Variants in PSTPIP1 observed in about 807,000 individuals in gnomAD.
The protein encoded by PSTPIP1 is proline-serine-threonine phosphatase interacting protein 1.
A neutral mutation model predicts 69.6 loss-of-function variants in PSTPIP1; 66 were observed. That is an observed-to-expected ratio of 0.95 (90% confidence interval 0.78 to 1.16). PSTPIP1 has a LOEUF of 1.16. Ranked by LOEUF, PSTPIP1 falls within the 50% of genes most tolerant of loss-of-function variation. The pLI is 0.00. For synonymous variants in PSTPIP1, 266 were observed against 222.7 expected (o/e 1.19, Z -1.73); for missense variants, 603 against 557.4 (o/e 1.08, Z -0.82).
At chr15:77,006,217 T>G (rs544124364) in intron 1 of PSTPIP1, among the ~76,000 whole-genome samples, 1 of 152,340 alleles carries the variant, frequency 6.6e-6, no homozygotes, top group East Asian at 1.9e-4. Context: ...CTCTAATAAT[T>G]AATGATGTTG....
intron 12 of PSTPIP1, among the ~76,000 whole-genome samples, chr15:77,033,821 G>GCA (rs67778947): frequency 3.4e-4 from 7 of 20,750 alleles, no homozygotes; most frequent in African/African-American, 3.9e-4. Flanking sequence ...CTTAGAGAGG[G>GCA]CACACACACA....
Position 77,035,614 on chromosome 15 carries a change from G to A in PSTPIP1, c.985+51G>A, listed in dbSNP as rs940236317. 11 of 1,535,170 alleles carry A rather than the reference G, an allele frequency of 7.2e-6. No individual in the cohort carries two copies. The African/African-American group carries it at 9.6e-5, about 13-fold the overall frequency. On this transcript the variant is annotated intron_variant, in intron 13 of 14. Coordinates refer to ENST00000558012, the MANE Select transcript of PSTPIP1 (RefSeq NM_003978.5). ...CAAACACACTGATCCTGGGGGGGAG[G>A]AGAGGTCTCCCACATGGCACAGATG...
intron 1 of PSTPIP1, among the ~76,000 whole-genome samples, chr15:77,000,124 A>T (rs1246459879): frequency 5.3e-5 from 8 of 152,144 alleles, no homozygotes; most frequent in African/African-American, 1.4e-4. Flanking sequence ...CCCCTGTGCC[A>T]CACTGGGAGG....
At position 77,005,523 on chromosome 15, in the gene PSTPIP1, A is replaced by C. The variant is rs531836633; in HGVS notation, c.36+9914A>C. Among the ~76,000 whole-genome samples the C allele has an allele frequency of 7.2e-5, 11 of 152,368 alleles. No individual in the cohort carries two copies. The South Asian group carries it at 2.3e-3, about 32-fold the overall frequency. On this transcript the variant is annotated intron_variant, in intron 1 of 14. Transcript: ENST00000558012. ...GGGGGTGGTGGTAATTATATGTAACATAAAATTGACCATTTTAACAATTTT... is the reference window on the plus strand; with the variant it reads ...GGGGGTGGTGGTAATTATATGTAACCTAAAATTGACCATTTTAACAATTTT...
At chr15:77,028,181 A>T (rs2152685686) in intron 6 of PSTPIP1, among the ~76,000 whole-genome samples, 1 of 151,230 alleles carries the variant, frequency 6.6e-6, no homozygotes, top group South Asian at 2.1e-4. Context: ...CCAGGGGTGG[A>T]GGGAGGAGGG....
Position 77,027,995 on chromosome 15 carries a change from G to A in PSTPIP1, c.417+81G>A. On this transcript the variant is annotated intron_variant, in intron 6 of 14. Transcript: ENST00000558012. This position sits in a 1 kb window ranked among gnomAD's most constrained non-coding sequence, Gnocchi z 4.3. ...GGGTGCGATCCTGGGCTGTGGCCCC[G>A]GGCAGGGCATTTGGAACAGGCTGAC... The A allele has an allele frequency of 2.3e-6, 3 of 1,294,814 alleles. No individual in the cohort carries two copies. Among genetic ancestry groups the A allele is most frequent in the Non-Finnish European group, 2.2e-6 (2 of 917,698 alleles). 80.2% of individuals were successfully genotyped at this position (1,294,814 alleles called of 1,614,324 possible).
At chr15:77,032,801 C>G in intron 11 of PSTPIP1, 61 bp from the exon 12 acceptor site, 1 of 1,426,830 alleles carries the variant, frequency 7.0e-7, no homozygotes, top group Non-Finnish European at 9.6e-7. Flanking sequence ...CCAGCTGAGT[C>G]TGGCAGGGCC....
chr15:77,007,231 T>G (rs1596057327), intron 1 of PSTPIP1, among the ~76,000 whole-genome samples: 2 of 152,206 alleles, frequency 1.3e-5, no homozygotes, highest in Admixed American at 6.5e-5. Context: ...GCCTGGAGGC[T>G]GGGTCACCAA....
At chr15:76,996,671 C>T (rs897755207) in intron 1 of PSTPIP1, among the ~76,000 whole-genome samples, 3 of 152,234 alleles carry the variant, frequency 2.0e-5, no homozygotes, top group African/African-American at 4.8e-5. Context: ...GTTCTGCTTC[C>T]TCTGCTCTGA....
At chr15:77,022,515 G>A (rs1036590496) in intron 3 of PSTPIP1, among the ~76,000 whole-genome samples, 12 of 152,222 alleles carry the variant, frequency 7.9e-5, no homozygotes, top group Admixed American at 1.3e-4. Flanking sequence ...ACACAGTAGA[G>A]GTGCTCAGGG....
chr15:76,998,406 A>G (rs2075626763), intron 1 of PSTPIP1, among the ~76,000 whole-genome samples: 1 of 152,194 alleles, frequency 6.6e-6, no homozygotes, highest in Admixed American at 6.5e-5. Context: ...TCAGGAGCCA[A>G]AGATGATTTC....
intron 3 of PSTPIP1, among the ~76,000 whole-genome samples, chr15:77,022,284 G>C (rs769994487): frequency 1.3e-5 from 2 of 152,218 alleles, no homozygotes; most frequent in Admixed American, 6.5e-5. Flanking sequence ...GAGCCGAGAG[G>C]GCTACTCCTG....
At chr15:77,032,792 C>T in intron 11 of PSTPIP1, 70 bp from the exon 12 acceptor site, 1 of 1,364,382 alleles carries the variant, frequency 7.3e-7, no homozygotes, top group Non-Finnish European at 1.0e-6. Context: ...TGTAGGGCCC[C>T]AGCTGAGTCT....
intron 1 of PSTPIP1, among the ~76,000 whole-genome samples, chr15:77,003,993 T>C (rs923512756): frequency 2.6e-5 from 4 of 152,256 alleles, no homozygotes; most frequent in Admixed American, 2.0e-4. Flanking sequence ...ATGTTCACCA[T>C]TGCATGTTAT....
intron 1 of PSTPIP1, chr15:77,008,038 A>G: frequency 2.2e-6 from 1 of 456,598 alleles, no homozygotes; most frequent in Non-Finnish European, 4.4e-6. Context: ...GGTGGTAGGA[A>G]GACCCAGAAC....
chr15:77,033,213 C>T (rs532174837), intron 12 of PSTPIP1, among the ~76,000 whole-genome samples: 1 of 152,324 alleles, frequency 6.6e-6, no homozygotes, highest in East Asian at 1.9e-4. Flanking sequence ...CTGGGGAGGC[C>T]CCTATGCTGG....
chr15:77,035,398 C>A, intron 12 of PSTPIP1, 110 bp from the exon 13 acceptor site: 1 of 1,188,948 alleles, frequency 8.4e-7, no homozygotes, highest in Non-Finnish European at 1.2e-6. Flanking sequence ...CAGTCCCAGC[C>A]CTGGCAGAGC....
intron 1 of PSTPIP1, among the ~76,000 whole-genome samples, chr15:76,996,866 C>CTGGGGGA (rs1227961564): frequency 6.6e-6 from 1 of 152,144 alleles, no homozygotes; most frequent in African/African-American, 2.4e-5. Context: ...AGCTGGAGCC[C>CTGGGGGA]TGGGGGATGG....
chr15:77,003,900 G>A (rs2075765349), intron 1 of PSTPIP1, among the ~76,000 whole-genome samples: 1 of 152,068 alleles, frequency 6.6e-6, no homozygotes, highest in East Asian at 1.9e-4. Flanking sequence ...AGTTCCCAGG[G>A]GACCCAGATT....
Sources: allele counts gnomAD v4.1 joint callset (sites outside exome capture counted in the v4.1 genomes callset), GRCh38; gene constraint gnomAD v4.1.1; non-coding constraint Gnocchi (gnomAD v3.1); transcripts MANE v1.5; gene names NCBI Gene and HGNC (gene_info 2026-07-23, HGNC 2026-07-21).